LDLRAD3: variants seen among roughly 807,000 people sequenced by gnomAD.
LDLRAD3 encodes low density lipoprotein receptor class A domain containing 3.
Under a neutral mutation model 29.4 loss-of-function variants are expected in LDLRAD3, and 20 were observed. The ratio of observed to expected loss-of-function variants is 0.68; its 90% CI spans 0.48 to 0.99. The LOEUF (loss-of-function observed/expected upper bound fraction) is 0.99. LDLRAD3 is among the 50% of genes least tolerant of loss of function. The pLI, the probability that LDLRAD3 is intolerant of heterozygous loss-of-function variation, is 0.00. For missense variants in LDLRAD3, 420 were observed against 454.3 expected (o/e 0.92, Z 0.69); for synonymous variants, 157 against 192.7 (o/e 0.81, Z 1.53).
intron 2 of LDLRAD3, among the ~76,000 whole-genome samples, chr11:36,073,566 A>T (rs1480853567): frequency 6.6e-6 from 1 of 152,240 alleles, no homozygotes; most frequent in African/African-American, 2.4e-5. Flanking sequence ...GGAGCAGCTG[A>T]CAGCTGTTGT....
At chr11:36,058,821 C>G (rs533641016) in intron 2 of LDLRAD3, among the ~76,000 whole-genome samples, 1 of 152,274 alleles carries the variant, frequency 6.6e-6, no homozygotes, top group East Asian at 1.9e-4. Flanking sequence ...ATGTGAAACA[C>G]CTTACAATGT....
chr11:36,022,699 C>T (rs1040535209), intron 1 of LDLRAD3, among the ~76,000 whole-genome samples: 1 of 152,154 alleles, frequency 6.6e-6, no homozygotes, highest in African/African-American at 2.4e-5. Context: ...ATGAGAAGGG[C>T]TCTATAATCC....
At chr11:36,174,757 G>A (rs768729140) in intron 4 of LDLRAD3, among the ~76,000 whole-genome samples, 16 of 152,118 alleles carry the variant, frequency 1.1e-4, no homozygotes, top group Non-Finnish European at 1.8e-4. Flanking sequence ...TGAGGCAGGC[G>A]GATCACGAGG....
intron 2 of LDLRAD3, among the ~76,000 whole-genome samples, chr11:36,062,278 A>G (rs912574987): frequency 1.2e-4 from 19 of 152,218 alleles, no homozygotes; most frequent in African/African-American, 4.3e-4. Context: ...AAATCTGAAA[A>G]GGCAAAAAAT....
intron 1 of LDLRAD3, among the ~76,000 whole-genome samples, chr11:35,978,362 A>G (rs1221962021): frequency 2.0e-5 from 3 of 152,180 alleles, no homozygotes; most frequent in Non-Finnish European, 4.4e-5. Context: ...TGCTCCCTTC[A>G]GCCTTCGTGC....
chr11:36,162,828 G>A (rs1565270514), intron 4 of LDLRAD3, among the ~76,000 whole-genome samples: 1 of 152,174 alleles, frequency 6.6e-6, no homozygotes, highest in Non-Finnish European at 1.5e-5. Flanking sequence ...GGCTAACTTT[G>A]CAGCTTCCCC....
intron 4 of LDLRAD3, among the ~76,000 whole-genome samples, chr11:36,194,060 CT>C: frequency 6.6e-6 from 1 of 152,298 alleles, no homozygotes; most frequent in Non-Finnish European, 1.5e-5. Context: ...TGGCATTTAG[CT>C]GCTTACATAT....
intron 2 of LDLRAD3, among the ~76,000 whole-genome samples, chr11:36,078,407 C>T (rs1853052187): frequency 6.6e-6 from 1 of 152,252 alleles, no homozygotes; most frequent in Non-Finnish European, 1.5e-5. Flanking sequence ...TGTTTGTCTT[C>T]ACCCAAAGTC....
rs910648829 is a variant in LDLRAD3, at chr11:36,144,313, C to G, written c.454+45852C>G. Among the ~76,000 whole-genome samples the G allele has an allele frequency of 9.8e-4, 147 of 150,328 alleles. 3 individuals carry two copies. The South Asian group carries it at 0.019, about 19-fold the overall frequency. ...CCTCCCAGCTGCCTGCCTTGGCCCCCCAAAGTGCCGAGATTGCAGCCTCTG... is the reference window on the plus strand; with the variant it reads ...CCTCCCAGCTGCCTGCCTTGGCCCCGCAAAGTGCCGAGATTGCAGCCTCTG... On this transcript the variant is annotated intron_variant, in intron 4 of 5. Transcript: ENST00000315571.
intron 4 of LDLRAD3, among the ~76,000 whole-genome samples, chr11:36,140,247 T>C (rs1354422639): frequency 2.6e-5 from 4 of 152,184 alleles, no homozygotes; most frequent in Non-Finnish European, 4.4e-5. Context: ...CTTCTTCTAG[T>C]AGGCAGGGCA....
rs561742405 is a variant in LDLRAD3 at position 36,166,171 on chromosome 11, A to G, written c.455-60914A>G. ...TGGCAGAAGGTCAAAATCTGATTCC[A>G]TAGAGTGGGAATGCAGGGGGAAATA... On this transcript the variant is annotated intron_variant, in intron 4 of 5. Transcript: ENST00000315571. Among the ~76,000 whole-genome samples, 7 of 152,288 alleles carry G rather than the reference A, an allele frequency of 4.6e-5. No homozygotes were observed. The South Asian group carries it at 1.0e-3, about 23-fold the overall frequency.
intron 4 of LDLRAD3, among the ~76,000 whole-genome samples, chr11:36,183,636 C>T (rs1362070492): frequency 6.6e-6 from 1 of 151,880 alleles, no homozygotes; most frequent in African/African-American, 2.4e-5. Context: ...TCCTGGGACT[C>T]AACCTAGTCT....
At chr11:36,152,714 C>A (rs1854293958) in intron 4 of LDLRAD3, among the ~76,000 whole-genome samples, 1 of 152,206 alleles carries the variant, frequency 6.6e-6, no homozygotes, top group Non-Finnish European at 1.5e-5. Context: ...AATAGCAGGT[C>A]TGTTTTAGGA....
chr11:36,186,185 T>C (rs979329839), intron 4 of LDLRAD3, among the ~76,000 whole-genome samples: 8 of 152,214 alleles, frequency 5.3e-5, no homozygotes, highest in Non-Finnish European at 1.0e-4. Context: ...CACATCTCTG[T>C]GCCTGAGTTC....
intron 2 of LDLRAD3, among the ~76,000 whole-genome samples, chr11:36,075,046 A>C (rs918600684): frequency 6.6e-6 from 1 of 152,136 alleles, no homozygotes; most frequent in Non-Finnish European, 1.5e-5. Context: ...CTGTGCCTAA[A>C]CTGGCTGTGC....
At chr11:36,042,331 C>A (rs774285295) in intron 2 of LDLRAD3, among the ~76,000 whole-genome samples, 2 of 152,122 alleles carry the variant, frequency 1.3e-5, no homozygotes, top group Non-Finnish European at 2.9e-5. Context: ...CTCTAGGGCA[C>A]CTAATGCCGG....
chr11:35,983,543 G>T (rs899544700), intron 1 of LDLRAD3, among the ~76,000 whole-genome samples: 2 of 152,154 alleles, frequency 1.3e-5, no homozygotes, highest in Non-Finnish European at 2.9e-5. Flanking sequence ...CCTGTAGGGG[G>T]GTGTGTGGCG....
chr11:36,142,974 G>C (rs1854108571), intron 4 of LDLRAD3, among the ~76,000 whole-genome samples: 1 of 152,196 alleles, frequency 6.6e-6, no homozygotes, highest in African/African-American at 2.4e-5. Context: ...ATTTGAAAAA[G>C]GAGCCAAATT....
At chr11:36,131,601 T>G (rs1853926769) in intron 4 of LDLRAD3, among the ~76,000 whole-genome samples, 1 of 152,214 alleles carries the variant, frequency 6.6e-6, no homozygotes, top group African/African-American at 2.4e-5. Context: ...AAAATTATGG[T>G]GAAATATACA....
Sources: gnomAD v4.1 joint callset for allele counts (sites outside exome capture counted in the v4.1 genomes callset) on GRCh38, gnomAD v4.1.1 for gene constraint, MANE v1.5 for transcripts, NCBI Gene and HGNC (gene_info 2026-07-23, HGNC 2026-07-21) for gene names.